Variants in MMP28 observed in about 807,000 individuals in gnomAD.
MMP28 encodes the protein matrix metallopeptidase 28.
In MMP28, 55 loss-of-function variants were observed where a neutral mutation model predicts 60.5. That is an observed-to-expected ratio of 0.91 (90% CI 0.73 to 1.14). MMP28 has a LOEUF of 1.14. Ranked by LOEUF, MMP28 falls within the 50% of genes most tolerant of loss-of-function variation. The pLI is 0.00. For synonymous variants in MMP28, 318 were observed against 312.5 expected (o/e 1.02, Z -0.18); for missense variants, 686 against 738.3 (o/e 0.93, Z 0.82).
At position 35,770,199 on chromosome 17, in the gene MMP28, G is replaced by T. The variant is rs1555604990; in HGVS notation, c.718C>A (p.His240Asn). 6.2e-7 allele frequency: 1 copy of T among 1,604,046 alleles called. No homozygotes were observed. The stretch of plus-strand genomic sequence containing the variant: ...AGGCCAAGCGTGTGACCGATCTCGT[G>T]CGCCAGCACCACGAACAGGTTGCGC... Reference protein sequence around the residue: ...RGRNLFVVLAHEIGHTLGLTH... With the variant: ...RGRNLFVVLANEIGHTLGLTH... The change falls in exon 5 of 8, where the codon CAC becomes AAC. Residue 240 changes from histidine to asparagine, a missense_variant. Physicochemically the swap from His to Asn is moderately conservative, Grantham distance 68 (BLOSUM62 1). Transcript: ENST00000605424.
intron 1 of MMP28, among the ~76,000 whole-genome samples, chr17:35,782,858 G>A (rs909741706): frequency 2.0e-5 from 3 of 151,672 alleles, no homozygotes; most frequent in Admixed American, 6.6e-5. Flanking sequence ...ACGGAGTCTC[G>A]CTCTGTCACC....
chr17:35,795,193 CG>C, intron 1 of MMP28, 73 bp downstream of exon 1: 1 of 986,146 alleles, frequency 1.0e-6, no homozygotes. Context: ...AGGGGACTGC[CG>C]GGTGGCCTGA....
downstream of MMP28, chr17:35,764,533 G>C: frequency 6.3e-7 from 1 of 1,599,470 alleles, no homozygotes; most frequent in South Asian, 1.1e-5. Context: ...AAATGCAGGA[G>C]TCTGCACAGC....
downstream of MMP28, chr17:35,764,445 G>A (rs923933764): frequency 6.4e-7 from 1 of 1,551,880 alleles, no homozygotes; most frequent in Non-Finnish European, 8.7e-7. Flanking sequence ...CCTCCCGGAG[G>A]AGCCGTGCGT....
chr17:35,784,107 C>G (rs2086581862), intron 1 of MMP28, among the ~76,000 whole-genome samples: 1 of 151,932 alleles, frequency 6.6e-6, no homozygotes, highest in African/African-American at 2.4e-5. Context: ...ACGGTGAAAC[C>G]CCGTCTCTAC....
intron 1 of MMP28, among the ~76,000 whole-genome samples, chr17:35,787,639 C>A (rs1381418118): frequency 6.6e-6 from 1 of 152,120 alleles, no homozygotes; most frequent in Non-Finnish European, 1.5e-5. Flanking sequence ...TACAGGCGTA[C>A]ACACCATGCC....
At chr17:35,775,386 T>C (rs1239518972) in intron 3 of MMP28, among the ~76,000 whole-genome samples, 1 of 152,200 alleles carries the variant, frequency 6.6e-6, no homozygotes, top group Non-Finnish European at 1.5e-5. Context: ...GTTTTTGTGG[T>C]GACCCCCAGG....
At chr17:35,764,781 T>C, downstream of MMP28, 3 of 737,388 alleles carry the variant, frequency 4.1e-6, no homozygotes, top group Non-Finnish European at 6.1e-6. Flanking sequence ...GGCCCACTGT[T>C]GGTGCTTGGT....
chr17:35,794,245 CTTT>C (rs749895795), intron 1 of MMP28, among the ~76,000 whole-genome samples: 26 of 133,562 alleles, frequency 1.9e-4, no homozygotes, highest in Admixed American at 6.0e-4. Context: ...ATTACAACCA[CTTT>C]TTTTTTTTTT....
Position 35,792,133 on chromosome 17 carries a change from A to G in MMP28, c.111+3134T>C, listed in dbSNP as rs113205494. ...GTTGTTCCCTAAACGACACAACAGTATCTCCCATTCCCACGTTCTTCTCAC... is the reference window on the plus strand; with the variant it reads ...GTTGTTCCCTAAACGACACAACAGTGTCTCCCATTCCCACGTTCTTCTCAC... On this transcript the variant is annotated intron_variant, in intron 1 of 7. Transcript: ENST00000605424. 6.5e-3 allele frequency among the ~76,000 whole-genome samples: 991 copies of G among 152,190 alleles called. 3 individuals carry two copies. The highest frequency in any genetic ancestry group is 0.024 in the Middle Eastern group (7 of 294).
At chr17:35,764,054 G>T (rs1555602083), downstream of MMP28, 45 of 1,549,664 alleles carry the variant, frequency 2.9e-5, no homozygotes, top group Non-Finnish European at 3.8e-5. Context: ...GCTCCGGGCC[G>T]AGGACGCGGA....
rs1280522085 is a variant in MMP28, at chr17:35,795,249, C to T, written c.111+18G>A. On this transcript the variant is annotated intron_variant, in intron 1 of 7. Coordinates refer to ENST00000605424, the MANE Select transcript of MMP28 (RefSeq NM_024302.5). ...CTCAAGCACACGCACCGCTCTCCGCCAGGTACACACGGCGTACCTCCGCCT... is the reference window on the plus strand; with the variant it reads ...CTCAAGCACACGCACCGCTCTCCGCTAGGTACACACGGCGTACCTCCGCCT... 5 of 1,385,286 alleles carry T rather than the reference C, an allele frequency of 3.6e-6. No individual in the cohort carries two copies. In the African/African-American group the frequency reaches 7.5e-5, roughly 21 times the overall value. The allele number at this position is 1,385,286 out of a possible 1,614,324, so 85.8% of individuals were successfully genotyped here. A position where few individuals can be genotyped will look rare whatever the true frequency, so the allele number is the denominator to read the frequency against.
intron 2 of MMP28, among the ~76,000 whole-genome samples, chr17:35,756,910 A>T (rs2085745554): frequency 6.6e-6 from 1 of 152,054 alleles, no homozygotes; most frequent in Admixed American, 6.5e-5. Context: ...ATGTTTAAAA[A>T]GACTGGGCCG....
At chr17:35,790,890 G>T (rs201893406) in intron 1 of MMP28, among the ~76,000 whole-genome samples, 59 of 117,052 alleles carry the variant, frequency 5.0e-4, no homozygotes, top group Middle Eastern at 5.1e-3. Flanking sequence ...ATGTATTAAT[G>T]TTTTTTTTTT....
In MMP28 at chr17:35,770,258, T is replaced by C. The variant is rs781304682; in HGVS notation, c.659A>G (p.Gln220Arg). Residue 220 changes from glutamine to arginine, a missense_variant, in exon 5 of 8, where the codon CAA (glutamine) becomes CGA (arginine). By Grantham distance (43) the Gln-to-Arg change is conservative. Transcript: ENST00000605424. ...GCGGCTCAGGGACCAGCGCTCATCT[T>C]GGTCGAAGTGCGCTTCGCCGCGGCG... ...LPRRGEAHFD[Q>R]DERWSLSRRR... The C allele has an allele frequency of 3.2e-6, 5 of 1,581,420 alleles. No individual in the cohort carries two copies. The Admixed American group carries it at 8.8e-5, about 28-fold the overall frequency.
At chr17:35,795,185 G>A in intron 1 of MMP28, 82 bp downstream of exon 1, 1 of 866,492 alleles carries the variant, frequency 1.2e-6, no homozygotes, top group Non-Finnish European at 1.6e-6. Context: ...CTGCTCACAG[G>A]GGACTGCCGG....
In MMP28 at chr17:35,779,295, T is replaced by G; in HGVS notation, c.140A>C (p.Asn47Thr). The part of the protein sequence containing the change: ...EAFLEKYGYL[N>T]EQVPKAPTST... ...GGTGGGAGCTTTGGGGACCTGTTCA[T>G]TGAGGTATCCGTACTTCTCTAGGAA... Residue 47 changes from asparagine to threonine, a missense_variant, in exon 2 of 8, where the codon AAT becomes ACT. By Grantham distance (65) the Asn-to-Thr change is moderately conservative. Coordinates refer to ENST00000605424, the MANE Select transcript of MMP28 (RefSeq NM_024302.5). 6.2e-7 allele frequency: 1 copy of G among 1,613,356 alleles called. No homozygotes were observed. The highest frequency in any genetic ancestry group is 8.5e-7 in the Non-Finnish European group (1 of 1,179,708).
At chr17:35,764,454 G>A (rs782310517), downstream of MMP28, 9 of 1,556,834 alleles carry the variant, frequency 5.8e-6, no homozygotes, top group Non-Finnish European at 6.9e-6. Flanking sequence ...GGAGCCGTGC[G>A]TGCTGGAGAT....
intron 1 of MMP28, among the ~76,000 whole-genome samples, chr17:35,787,109 A>G (rs1009359685): frequency 6.6e-6 from 1 of 152,184 alleles, no homozygotes; most frequent in African/African-American, 2.4e-5. Flanking sequence ...AAAAAGGTCA[A>G]ACTGGGGTGT....
Sources: gnomAD v4.1 joint callset for allele counts (sites outside exome capture counted in the v4.1 genomes callset) on GRCh38, gnomAD v4.1.1 for gene constraint, MANE v1.5 for transcripts, NCBI Gene and HGNC (gene_info 2026-07-23, HGNC 2026-07-21) for gene names.